Variants in GPN3 observed in about 807,000 individuals in gnomAD.
The protein encoded by GPN3 is GPN-loop GTPase 3, also known as ATP-binding domain 1 family member C.
A neutral mutation model predicts 38.7 loss-of-function variants in GPN3; 31 were observed. That is an observed-to-expected ratio of 0.80 (90% CI 0.60 to 1.08). The LOEUF (loss-of-function observed/expected upper bound fraction) is 1.08. GPN3 is among the 50% of genes least tolerant of loss of function. The pLI, the probability that GPN3 is intolerant of heterozygous loss-of-function variation, is 0.00. For synonymous variants in GPN3, 116 were observed against 120.2 expected, an observed-to-expected ratio of 0.96 and a Z score of 0.23; for missense variants, 301 against 354.4, an observed-to-expected ratio of 0.85 and a Z score of 1.21.
chr12:110,459,171 C>T (rs1292270462), intron 3 of GPN3, among the ~76,000 whole-genome samples: 1 of 152,100 alleles, frequency 6.6e-6, no homozygotes, highest in African/African-American at 2.4e-5. Flanking sequence ...AGGCCAGAGA[C>T]CATGGCCATC....
At chr12:110,459,886 G>C (rs752975082) in intron 2 of GPN3, 24 bp from the exon 3 acceptor site, 3 of 1,587,064 alleles carry the variant, frequency 1.9e-6, no homozygotes, top group Admixed American at 1.7e-5. Context: ...ATAGGGCCCA[G>C]AATATATGTG....
intron 2 of GPN3, among the ~76,000 whole-genome samples, chr12:110,460,336 T>A (rs1224259313): frequency 6.6e-6 from 1 of 152,168 alleles, no homozygotes; most frequent in Non-Finnish European, 1.5e-5. Context: ...GAGGAAGATG[T>A]TTTCCTGTAT....
rs140400231 is a variant in GPN3, at chr12:110,465,486, T to C, written c.49-272A>G. On this transcript the variant is annotated intron_variant, in intron 1 of 7. Transcript: ENST00000228827. Reference sequence around the variant, plus strand: ...CATAATCACTAAGGCTCCTTACTGTTCTAAATGTGACAAGCGGTATTTAAA... The same window carrying C: ...CATAATCACTAAGGCTCCTTACTGTCCTAAATGTGACAAGCGGTATTTAAA... Among the ~76,000 whole-genome samples the C allele has an allele frequency of 5.3e-3, 806 of 152,298 alleles. 21 individuals carry two copies. Among genetic ancestry groups the C allele is most frequent in the Admixed American group, 0.047 (713 of 15,266 alleles).
chr12:110,467,189 C>T (rs538509452), intron 1 of GPN3, among the ~76,000 whole-genome samples: 3 of 151,920 alleles, frequency 2.0e-5, no homozygotes, highest in East Asian at 1.9e-4. Context: ...AGAGTTTCGC[C>T]GTGTTGCCAA....
intron 1 of GPN3, 93 bp downstream of exon 1, chr12:110,468,063 A>C (rs1407936564): frequency 5.1e-6 from 8 of 1,583,398 alleles, no homozygotes; most frequent in Non-Finnish European, 6.9e-6. Flanking sequence ...CAGGGTTCCC[A>C]GTACACACAC....
At position 110,457,618 on chromosome 12, in the gene GPN3, G is replaced by A. The variant is rs777753731; in HGVS notation, c.342C>T (p.Tyr114=). 1 of 1,598,052 alleles carries A rather than the reference G, an allele frequency of 6.3e-7. No individual in the cohort carries two copies. Among genetic ancestry groups the A allele is most frequent in the South Asian group, 1.1e-5 (1 of 89,956 alleles). Residue 114 remains tyrosine (Y), a synonymous_variant, in exon 4 of 8, where the codon TAC becomes TAT. Coordinates refer to ENST00000228827, the MANE Select transcript of GPN3 (RefSeq NM_016301.4). Reference sequence around the variant, plus strand: ...GCTGTTTCATCACAGGCAGGTGAGTGTACAACTCAATCTGACCTACATGAA... The same window carrying A: ...GCTGTTTCATCACAGGCAGGTGAGTATACAACTCAATCTGACCTACATGAA... The part of the protein sequence containing the change: ...LFDCPGQIEL[Y]THLPVMKQLV...
At position 110,457,603 on chromosome 12, in the gene GPN3, C is replaced by G. The variant is rs1210292501; in HGVS notation, c.357G>C (p.Val119=). 1 of 1,606,134 alleles carries G rather than the reference C, an allele frequency of 6.2e-7. No individual in the cohort carries two copies. Among genetic ancestry groups the G allele is most frequent in the Non-Finnish European group, 8.5e-7 (1 of 1,174,640 alleles). ...GQIELYTHLP[V]MKQLVQQLEQ... ...CGAGCTGCTGGACCAGCTGTTTCAT[C>G]ACAGGCAGGTGAGTGTACAACTCAA... Residue 119 remains valine, a synonymous_variant, in exon 4 of 8, where the codon GTG becomes GTC. Transcript: ENST00000228827.
upstream of GPN3, chr12:110,468,490 C>T (rs374893099): frequency 1.3e-6 from 2 of 1,537,122 alleles, no homozygotes; most frequent in African/African-American, 2.7e-5. Flanking sequence ...TAACGGACAA[C>T]AGATAAAGCT....
At chr12:110,461,467 G>A in intron 2 of GPN3, 3 of 542,224 alleles carry the variant, frequency 5.5e-6, no homozygotes, top group Non-Finnish European at 6.5e-6. Context: ...AGGTGTGCTG[G>A]CATGTGCCTG....
At chr12:110,457,454 A>G (rs1164110407) in intron 4 of GPN3, 56 bp downstream of exon 4, 1 of 1,330,932 alleles carries the variant, frequency 7.5e-7, no homozygotes, top group African/African-American at 1.9e-5. Context: ...TCTGTCACAC[A>G]CACAAAAAAA....
At chr12:110,465,694 A>C (rs1021047580) in intron 1 of GPN3, among the ~76,000 whole-genome samples, 28 of 152,190 alleles carry the variant, frequency 1.8e-4, no homozygotes, top group African/African-American at 6.5e-4. Flanking sequence ...AAGAACGCCA[A>C]GATCAATAAA....
At chr12:110,468,051 C>T (rs2135533581) in intron 1 of GPN3, 105 bp downstream of exon 1, 3 of 1,515,400 alleles carry the variant, frequency 2.0e-6, no homozygotes, top group East Asian at 2.3e-5. Flanking sequence ...TGCGTGGGGT[C>T]TCAGGGTTCC....
In GPN3 at chr12:110,465,091, T is replaced by C; in HGVS notation, c.157+15A>G. 1 of 1,416,618 alleles carries C rather than the reference T, an allele frequency of 7.1e-7. No homozygotes were observed. The highest frequency in any genetic ancestry group is 1.1e-5 in the South Asian group (1 of 87,174). The allele number at this position is 1,416,618 out of a possible 1,614,324, so 87.8% of individuals were successfully genotyped here. On this transcript the variant is annotated intron_variant, in intron 2 of 7. Coordinates refer to ENST00000228827, the MANE Select transcript of GPN3 (RefSeq NM_016301.4). ...CTGTTCCTGAAGGTGGGGGGAGCCT[T>C]TGCTCAGGACTTACCAGCCATCACG...
At chr12:110,457,667 T>C (rs2062560174) in intron 3 of GPN3, 33 bp from the exon 4 acceptor site, 3 of 1,516,874 alleles carry the variant, frequency 2.0e-6, no homozygotes, top group African/African-American at 1.4e-5. Flanking sequence ...ATTTTAGAAA[T>C]AGCAAGTATG....
At position 110,462,269 on chromosome 12, in the gene GPN3, C is replaced by T. The variant is rs191650684; in HGVS notation, c.158-2407G>A. Among the ~76,000 whole-genome samples the T allele has an allele frequency of 1.3e-4, 20 of 152,258 alleles. No individual in the cohort carries two copies. The East Asian group carries it at 3.1e-3, about 24-fold the overall frequency. ...TCACATCTCCTCCTCTCCCTTCAATCTGCCTCCCCGCAACCTGCTCACTCA... is the reference window on the plus strand; with the variant it reads ...TCACATCTCCTCCTCTCCCTTCAATTTGCCTCCCCGCAACCTGCTCACTCA... On this transcript the variant is annotated intron_variant, in intron 2 of 7. Coordinates refer to ENST00000228827, the MANE Select transcript of GPN3 (RefSeq NM_016301.4).
rs144792599 is a variant in GPN3 at position 110,457,535 on chromosome 12, G to C, written c.425C>G (p.Ser142Cys). 1.9e-6 allele frequency: 3 copies of C among 1,576,988 alleles called. No individual in the cohort carries two copies. Residue 142 changes from serine (S) to cysteine (C), a missense_variant, in exon 4 of 8, where the codon TCT (serine) becomes TGT (cysteine). Coordinates refer to ENST00000228827, the MANE Select transcript of GPN3 (RefSeq NM_016301.4). ...FRVCGVFLVD[S>C]QFMVESFKFI... is the part of the protein sequence containing the mutation. ...CTTGAATGACTCCACCATGAACTGA[G>C]AATCAACAAGAAAAACTCCACAGAC...
chr12:110,463,248 G>C (rs963642101), intron 2 of GPN3, among the ~76,000 whole-genome samples: 8 of 151,594 alleles, frequency 5.3e-5, no homozygotes, highest in African/African-American at 1.5e-4. Context: ...GACCAGCCTG[G>C]GCAATGAGAC....
intron 7 of GPN3, 69 bp downstream of exon 7, chr12:110,453,674 G>A: frequency 2.4e-6 from 3 of 1,238,016 alleles, no homozygotes; most frequent in Non-Finnish European, 3.5e-6. Context: ...CCTGGATTAT[G>A]CAAGAGTCCA....
At chr12:110,468,546 C>A, upstream of GPN3, 1 of 1,537,272 alleles carries the variant, frequency 6.5e-7, no homozygotes, top group Non-Finnish European at 8.7e-7. Flanking sequence ...TGCGTGCAGA[C>A]GTTTGACCTG....
Sources: gnomAD v4.1 joint callset for allele counts (sites outside exome capture counted in the v4.1 genomes callset) on GRCh38, gnomAD v4.1.1 for gene constraint, MANE v1.5 for transcripts, NCBI Gene and HGNC (gene_info 2026-07-23, HGNC 2026-07-21) for gene names.